Variants in BAZ2B observed in about 807,000 individuals in gnomAD.
The protein encoded by BAZ2B is bromodomain adjacent to zinc finger domain protein 2B.
A neutral mutation model predicts 246.0 loss-of-function variants in BAZ2B; 91 were observed. The observed-to-expected ratio is 0.37, with a 90% CI of 0.31 to 0.44. The LOEUF is 0.44. Ranked by LOEUF, BAZ2B falls within the 20% of genes least tolerant of loss-of-function variation. The probability of loss-of-function intolerance (pLI) is 1.00; values close to 1 mark genes in which losing one functional copy is unlikely to be tolerated. For missense variants in BAZ2B, 2,332 were observed against 2,533.7 expected, an observed-to-expected ratio of 0.92 and a Z score of 1.71; for synonymous variants, 855 against 860.0, an observed-to-expected ratio of 0.99 and a Z score of 0.10.
At chr2:159,703,263 ATT>A in the BAZ2B span, among the ~76,000 whole-genome samples, 1 of 146,794 alleles carries the variant, frequency 6.8e-6, no homozygotes, top group African/African-American at 2.5e-5. Context: ...AATTTTTGTT[ATT>A]TTTTTTTTAG....
chr2:159,506,861 G>T (rs1412149025), intron 2 of BAZ2B, among the ~76,000 whole-genome samples: 5 of 152,098 alleles, frequency 3.3e-5, no homozygotes, highest in Admixed American at 3.3e-4. Flanking sequence ...ATAAGAAAAA[G>T]GAAAAGAGAA....
intron 2 of BAZ2B, among the ~76,000 whole-genome samples, chr2:159,519,670 C>CTTTTTTTTTTT (rs1156978730): frequency 1.0e-5 from 1 of 98,272 alleles, no homozygotes; most frequent in Non-Finnish European, 2.1e-5. Context: ...GACCTTTCTT[C>CTTTTTTTTTTT]TTTTTTTTTT....
chr2:159,590,227 A>C (rs1689034802), intron 1 of BAZ2B, among the ~76,000 whole-genome samples: 2 of 111,966 alleles, frequency 1.8e-5, no homozygotes, highest in African/African-American at 3.1e-5. Context: ...AAAAAAAAAA[A>C]AAAACAACCC....
At chr2:159,411,548 A>G (rs920537030) in intron 14 of BAZ2B, among the ~76,000 whole-genome samples, 4 of 152,186 alleles carry the variant, frequency 2.6e-5, no homozygotes, top group Non-Finnish European at 5.9e-5. Flanking sequence ...ATTGTTACAT[A>G]TCTTTATATA....
the BAZ2B span, among the ~76,000 whole-genome samples, chr2:159,686,627 A>G: frequency 1.3e-5 from 2 of 152,088 alleles, no homozygotes; most frequent in African/African-American, 4.8e-5. Flanking sequence ...AAAAAATAAT[A>G]AGTGAAATCT....
In BAZ2B at chr2:159,325,883, A is replaced by G. The variant is rs2063646223; in HGVS notation, c.5979T>C (p.His1993=). Residue 1993 remains histidine, a synonymous_variant, in exon 35 of 37, where the codon CAT becomes CAC. Transcript: ENST00000392783. ...ACTCATTAGTCTTTTTTCCTTTGAC[A>G]TGAAGTTTTTTGATTTTTAGAGTTT... The part of the protein sequence containing the change: ...SGQTLKIKKL[H]VKGKKTNESK... 4 of 1,589,632 alleles carry G rather than the reference A, an allele frequency of 2.5e-6. No homozygotes were observed. The Admixed American group carries it at 5.7e-5, about 23-fold the overall frequency.
At chr2:159,712,093 G>GAAAAAAAAAAA in the BAZ2B span, 1 of 123,294 alleles carries the variant, frequency 8.1e-6, no homozygotes, top group Admixed American at 7.4e-5. Context: ...GCCAGAAAAA[G>GAAAAAAAAAAA]AAAAAAAAAA....
chr2:159,529,806 T>C (rs563239296), intron 2 of BAZ2B, among the ~76,000 whole-genome samples: 3 of 152,248 alleles, frequency 2.0e-5, no homozygotes, highest in African/African-American at 4.8e-5. Context: ...TTGAAGAATT[T>C]AGTGATCATC....
At chr2:159,706,691 T>C in the BAZ2B span, among the ~76,000 whole-genome samples, 1 of 152,270 alleles carries the variant, frequency 6.6e-6, no homozygotes, top group Non-Finnish European at 1.5e-5. Flanking sequence ...TCATACCATC[T>C]CTGTCACAAC....
intron 27 of BAZ2B, among the ~76,000 whole-genome samples, chr2:159,364,678 G>C (rs2060038324): frequency 6.6e-6 from 1 of 152,138 alleles, no homozygotes; most frequent in Non-Finnish European, 1.5e-5. Context: ...CCCTTAGTTA[G>C]ACATTTTTTG....
At chr2:159,518,784 G>C (rs2083720920) in intron 2 of BAZ2B, among the ~76,000 whole-genome samples, 1 of 152,134 alleles carries the variant, frequency 6.6e-6, no homozygotes, top group African/African-American at 2.4e-5. Context: ...AACACCTATC[G>C]TAAGGTCTTG....
chr2:159,452,874 C>T (rs1051209643), intron 4 of BAZ2B, among the ~76,000 whole-genome samples: 21 of 152,060 alleles, frequency 1.4e-4, no homozygotes, highest in Non-Finnish European at 2.9e-4. Flanking sequence ...CCGAGGTGGG[C>T]GGATCACTTG....
chr2:159,559,334 G>C (rs1288557856), intron 1 of BAZ2B, among the ~76,000 whole-genome samples: 1 of 151,968 alleles, frequency 6.6e-6, no homozygotes, highest in Non-Finnish European at 1.5e-5. Flanking sequence ...CTAACATTAA[G>C]CTCTCAACTT....
the BAZ2B span, among the ~76,000 whole-genome samples, chr2:159,657,387 G>A: frequency 6.6e-6 from 1 of 152,156 alleles, no homozygotes; most frequent in Admixed American, 6.6e-5. Context: ...AGTAAGCCAT[G>A]AAATTGGGGA....
intron 36 of BAZ2B, 43 bp from the exon 37 acceptor site, chr2:159,320,461 A>G (rs771941856): frequency 1.3e-6 from 2 of 1,484,472 alleles, no homozygotes; most frequent in South Asian, 1.3e-5. Context: ...CATAGAGTGG[A>G]TTTGTTTTGT....
intron 25 of BAZ2B, among the ~76,000 whole-genome samples, chr2:159,380,540 T>C (rs1263249307): frequency 6.6e-6 from 1 of 152,228 alleles, no homozygotes; most frequent in Non-Finnish European, 1.5e-5. Flanking sequence ...CTGATTGGTA[T>C]CCTCTGGAAG....
intron 27 of BAZ2B, among the ~76,000 whole-genome samples, chr2:159,368,619 C>T (rs184791498): frequency 6.6e-6 from 1 of 152,174 alleles, no homozygotes; most frequent in East Asian, 1.9e-4. Flanking sequence ...CCTACTTCCC[C>T]CTGCTCTGCA....
chr2:159,331,259 C>T (rs993414833), intron 34 of BAZ2B, among the ~76,000 whole-genome samples: 4 of 152,116 alleles, frequency 2.6e-5, no homozygotes, highest in Non-Finnish European at 4.4e-5. Context: ...TATTTTCTTC[C>T]GATGACTTCC....
chr2:159,637,358 A>G, the BAZ2B span, among the ~76,000 whole-genome samples: 1 of 152,146 alleles, frequency 6.6e-6, no homozygotes, highest in Admixed American at 6.5e-5. Context: ...AGCATTCACC[A>G]TAAGCTGATA....
Sources: gnomAD v4.1 joint callset for allele counts (sites outside exome capture counted in the v4.1 genomes callset) on GRCh38, gnomAD v4.1.1 for gene constraint, MANE v1.5 for transcripts, NCBI Gene and HGNC (gene_info 2026-07-23, HGNC 2026-07-21) for gene names.